EFHC1: variants seen among roughly 807,000 people sequenced by gnomAD.
The protein encoded by EFHC1 is EF-hand domain containing 1.
Under a neutral mutation model 69.9 loss-of-function variants are expected in EFHC1, and 53 were observed. The observed-to-expected ratio is 0.76, with a 90% confidence interval of 0.61 to 0.95. EFHC1 has a LOEUF of 0.95. EFHC1 is among the 40% of genes least tolerant of loss of function. The pLI is 0.00. For synonymous variants in EFHC1, 256 were observed against 278.4 expected (o/e 0.92, Z 0.80); for missense variants, 739 against 798.7 (o/e 0.93, Z 0.90).
Position 52,426,511 on chromosome 6 carries a change from G to A in EFHC1, c.285+2344G>A, listed in dbSNP as rs142711444. 3.7e-3 allele frequency among the ~76,000 whole-genome samples: 558 copies of A among 151,970 alleles called. 2 individuals are homozygous for A. The highest frequency in any genetic ancestry group is 9.4e-3 in the African/African-American group (390 of 41,422). ...TTTTCTTGAGATCTCACCCACTTTC[G>A]TGATTTCAACCGTCACCTCACCGTA... On this transcript the variant is annotated intron_variant, in intron 2 of 10. Transcript: ENST00000371068.
rs1764227660 is a variant in EFHC1, at chr6:52,423,188, T to C, written c.64-758T>C. 2.0e-5 allele frequency among the ~76,000 whole-genome samples: 3 copies of C among 152,180 alleles called. No individual in the cohort carries two copies. The South Asian group carries it at 6.2e-4, about 31-fold the overall frequency. ...AAAGAGTTGTAAGAATGTATCACTGTCATTGTGACAAGAGGGACAGGTAAA... is the reference window on the plus strand; with the variant it reads ...AAAGAGTTGTAAGAATGTATCACTGCCATTGTGACAAGAGGGACAGGTAAA... On this transcript the variant is annotated intron_variant, in intron 1 of 10. Transcript: ENST00000371068.
intron 3 of EFHC1, 101 bp downstream of exon 3, chr6:52,438,692 C>G: frequency 7.8e-7 from 1 of 1,277,818 alleles, no homozygotes; most frequent in Non-Finnish European, 1.1e-6. Context: ...CATTGGTAAT[C>G]TGTCCTGCAT....
Position 52,469,320 on chromosome 6 carries a change from T to G in EFHC1, c.1138-13T>G, listed in dbSNP as rs368169801. ...AGTATCTGCCTTACTTCTTGCTTCCTATGTATCTCCAGGAGTTGCCTCCTT... is the reference window on the plus strand; with the variant it reads ...AGTATCTGCCTTACTTCTTGCTTCCGATGTATCTCCAGGAGTTGCCTCCTT... On this transcript the variant is annotated splice_polypyrimidine_tract_variant and intron_variant, in intron 6 of 10. Coordinates refer to ENST00000371068, the MANE Select transcript of EFHC1 (RefSeq NM_018100.4). 1.2e-5 allele frequency: 19 copies of G among 1,613,826 alleles called. No individual in the cohort carries two copies. In the African/African-American group the frequency reaches 2.5e-4, roughly 22 times the overall value.
At chr6:52,475,120 A>G (rs1169665291) in intron 7 of EFHC1, among the ~76,000 whole-genome samples, 2 of 152,018 alleles carry the variant, frequency 1.3e-5, no homozygotes, top group Admixed American at 6.6e-5. Flanking sequence ...TGTGGGCAGG[A>G]AAAAAGAGGT....
chr6:52,488,711 T>A (rs1765837288), intron 9 of EFHC1: 1 of 152,190 alleles, frequency 6.6e-6, no homozygotes, highest in African/African-American at 2.4e-5. Context: ...TTGAATATCT[T>A]TTCAGAGTTT....
chr6:52,449,481 T>A (rs1010163182), intron 3 of EFHC1, among the ~76,000 whole-genome samples: 2 of 152,228 alleles, frequency 1.3e-5, no homozygotes, highest in African/African-American at 4.8e-5. Flanking sequence ...CATAGGCTAT[T>A]GATTACTGAT....
intron 2 of EFHC1, chr6:52,437,689 G>T (rs375969968): frequency 6.5e-6 from 1 of 153,514 alleles, no homozygotes; most frequent in Non-Finnish European, 1.4e-5. Flanking sequence ...GTGTGTACAT[G>T]TGGGAGTTAG....
chr6:52,472,094 G>T (rs959169414), intron 7 of EFHC1, among the ~76,000 whole-genome samples: 2 of 151,390 alleles, frequency 1.3e-5, no homozygotes, highest in African/African-American at 4.9e-5. Context: ...AATCTAATAT[G>T]ATTTAAAAAT....
chr6:52,454,164 C>G lies in EFHC1; in HGVS notation c.793C>G (p.His265Asp). ...MYGECRTYIIHYYLMDDTVEI... is the reference protein window; with the variant it reads ...MYGECRTYIIDYYLMDDTVEI... ...TGGTGAATGTCGGACCTACATCATT[C>G]ATTACTATCTTATGGATGATACGGT... Residue 265 changes from histidine (H) to aspartate (D), a missense_variant, in exon 5 of 11, where the codon CAT (histidine) becomes GAT (aspartate). Transcript: ENST00000371068. The G allele has an allele frequency of 1.2e-6, 2 of 1,614,072 alleles. No homozygotes were observed. The highest frequency in any genetic ancestry group is 1.7e-6 in the Non-Finnish European group (2 of 1,180,004).
At chr6:52,458,594 C>G (rs1581833982) in intron 5 of EFHC1, among the ~76,000 whole-genome samples, 1 of 152,192 alleles carries the variant, frequency 6.6e-6, no homozygotes, top group East Asian at 1.9e-4. Flanking sequence ...TCATACCAGT[C>G]AGAATGGCTA....
chr6:52,495,783 T>G lies in EFHC1; in HGVS notation c.*3442T>G, dbSNP rs1019092735. Reference sequence around the variant, plus strand: ...GTTGGCACTGTCCACATACACTCCTTAAGTTTGCTGTCCACTTCTTGCCTT... The same window carrying G: ...GTTGGCACTGTCCACATACACTCCTGAAGTTTGCTGTCCACTTCTTGCCTT... On this transcript the variant is annotated 3_prime_UTR_variant, in exon 11 of 11. Transcript: ENST00000371068. 14 of 357,938 alleles carry G rather than the reference T, an allele frequency of 3.9e-5. No individual in the cohort carries two copies. The highest frequency in any genetic ancestry group is 4.4e-5 in the Non-Finnish European group (8 of 183,198). The allele number at this position is 357,938 out of a possible 1,614,324, so 22.2% of individuals were successfully genotyped here.
chr6:52,473,037 A>G, intron 7 of EFHC1, among the ~76,000 whole-genome samples: 1 of 152,244 alleles, frequency 6.6e-6, no homozygotes, highest in Non-Finnish European at 1.5e-5. Context: ...TTTACAGACA[A>G]ATTGATTCTA....
intron 2 of EFHC1, among the ~76,000 whole-genome samples, chr6:52,425,818 T>C (rs1764288830): frequency 6.6e-6 from 1 of 152,110 alleles, no homozygotes; most frequent in African/African-American, 2.4e-5. Flanking sequence ...TACCCAGAGG[T>C]CCACATAATA....
At chr6:52,432,835 G>A (rs1393641771) in intron 2 of EFHC1, among the ~76,000 whole-genome samples, 1 of 151,742 alleles carries the variant, frequency 6.6e-6, no homozygotes, top group Admixed American at 6.6e-5. Flanking sequence ...CTTAGGTTTG[G>A]TTATTTAACA....
intron 9 of EFHC1, 48 bp downstream of exon 9, chr6:52,479,835 G>C: frequency 1.2e-6 from 2 of 1,609,246 alleles, no homozygotes; most frequent in Non-Finnish European, 1.7e-6. Flanking sequence ...TATTCAGGAA[G>C]TAATTCTTGA....
intron 1 of EFHC1, among the ~76,000 whole-genome samples, chr6:52,421,552 A>G (rs1764191871): frequency 6.6e-6 from 1 of 152,208 alleles, no homozygotes; most frequent in Non-Finnish European, 1.5e-5. Flanking sequence ...TAGACTGATC[A>G]TCATAGATGA....
At chr6:52,478,283 G>A (rs999996615) in intron 7 of EFHC1, among the ~76,000 whole-genome samples, 18 of 151,680 alleles carry the variant, frequency 1.2e-4, no homozygotes, top group Admixed American at 1.1e-3. Context: ...GGTGGGGTGG[G>A]AGGAGGGGGG....
chr6:52,482,813 A>G (rs1342945169), intron 9 of EFHC1: 1 of 398,578 alleles, frequency 2.5e-6, no homozygotes, highest in Admixed American at 4.4e-5. Context: ...CACTGGCTGC[A>G]CATCCAGATT....
chr6:52,473,041 G>T (rs1017284750), intron 7 of EFHC1, among the ~76,000 whole-genome samples: 13 of 152,238 alleles, frequency 8.5e-5, no homozygotes, highest in African/African-American at 3.1e-4. Flanking sequence ...CAGACAAATT[G>T]ATTCTATAAT....
Sources: allele counts gnomAD v4.1 joint callset (sites outside exome capture counted in the v4.1 genomes callset), GRCh38; gene constraint gnomAD v4.1.1; transcripts MANE v1.5; gene names NCBI Gene and HGNC (gene_info 2026-07-23, HGNC 2026-07-21).